BRWD1: variants seen among roughly 807,000 people sequenced by gnomAD.
The protein encoded by BRWD1 is bromodomain and WD repeat domain containing 1.
A neutral mutation model predicts 251.2 loss-of-function variants in BRWD1; 82 were observed. The ratio of observed to expected loss-of-function variants is 0.33; its 90% CI spans 0.27 to 0.39. BRWD1 has a LOEUF of 0.39. BRWD1 is among the 10% of genes least tolerant of loss of function. BRWD1 has a pLI of 1.00. For missense variants in BRWD1, 2,233 were observed against 2,711.6 expected, an observed-to-expected ratio of 0.82 and a Z score of 3.92; for synonymous variants, 918 against 902.8, an observed-to-expected ratio of 1.02 and a Z score of -0.30.
At chr21:39,226,046 A>C (rs919889590) in intron 27 of BRWD1, among the ~76,000 whole-genome samples, 9 of 152,170 alleles carry the variant, frequency 5.9e-5, no homozygotes, top group Non-Finnish European at 1.0e-4. Context: ...GTTAGAAGAG[A>C]GTCTTTGATA....
At position 39,187,516 on chromosome 21, in the gene BRWD1, A is replaced by C; in HGVS notation, c.*8743T>G. On this transcript the variant is annotated 3_prime_UTR_variant, in exon 41 of 41. Transcript: ENST00000342449. ...CAACAACACTCATTCGGAAACAATA[A>C]ATTTAAAAGTCATATTGCTAAATGA... is the stretch of plus-strand genomic sequence containing the variant. The C allele has an allele frequency of 7.0e-7, 1 of 1,428,382 alleles. No homozygotes were observed. The allele number at this position is 1,428,382 out of a possible 1,614,324, so 88.5% of individuals were successfully genotyped here.
intron 34 of BRWD1, among the ~76,000 whole-genome samples, chr21:39,211,854 G>C (rs1285799056): frequency 6.6e-6 from 1 of 152,074 alleles, no homozygotes; most frequent in Non-Finnish European, 1.5e-5. Flanking sequence ...AATTTAAGGA[G>C]CATTTGGAGG....
intron 4 of BRWD1, among the ~76,000 whole-genome samples, chr21:39,302,466 G>C (rs755120513): frequency 4.6e-5 from 7 of 152,116 alleles, no homozygotes; most frequent in Non-Finnish European, 8.8e-5. Context: ...ATAATATGTG[G>C]TAAGGCCGGG....
At chr21:39,242,024 C>T (rs752922728) in intron 21 of BRWD1, among the ~76,000 whole-genome samples, 1 of 152,252 alleles carries the variant, frequency 6.6e-6, no homozygotes, top group Non-Finnish European at 1.5e-5. Flanking sequence ...ATTAGACCTA[C>T]TAATAACCAT....
intron 37 of BRWD1, among the ~76,000 whole-genome samples, chr21:39,202,895 A>G (rs562261207): frequency 5.4e-4 from 83 of 152,360 alleles, no homozygotes; most frequent in Middle Eastern, 3.4e-3. Context: ...GTAAGCCTCA[A>G]TAGGACCCAA....
At chr21:39,228,475 T>C (rs1354126561) in intron 27 of BRWD1, 25 bp downstream of exon 27, 13 of 1,542,464 alleles carry the variant, frequency 8.4e-6, no homozygotes, top group Non-Finnish European at 1.2e-5. Flanking sequence ...TAAGGGTATA[T>C]AAAACTTAGT....
intron 14 of BRWD1, 39 bp from the exon 15 acceptor site, chr21:39,270,072 A>T (rs1285376301): frequency 6.7e-7 from 1 of 1,486,900 alleles, no homozygotes. Flanking sequence ...GAGGGTTTAC[A>T]AGTTACAAAT....
intron 21 of BRWD1, among the ~76,000 whole-genome samples, chr21:39,244,933 T>TATATATATATATATATATAA (rs2034131087): frequency 6.9e-6 from 1 of 144,694 alleles, no homozygotes; most frequent in Non-Finnish European, 1.5e-5. Flanking sequence ...TATATATATA[T>TATATATATATATATATATAA]ATATATATAT....
chr21:39,196,487 A>T lies in BRWD1; in HGVS notation c.6582T>A (p.Phe2194Leu). Reference protein sequence around the residue: ...KAKVVRKGKTFTANISKTVRR... With the variant: ...KAKVVRKGKTLTANISKTVRR... ...TCACAGTTTTAGATATGTTAGCTGT[A>T]AAAGTTTTACCTTTTCTAACTACTT... The change falls in exon 41 of 41, where the codon TTT becomes TTA. Residue 2194 changes from phenylalanine to leucine, a missense_variant. Phe to Leu is a conservative substitution (Grantham distance 22). Transcript: ENST00000342449. 1.2e-6 allele frequency: 2 copies of T among 1,613,286 alleles called. No individual in the cohort carries two copies. Among genetic ancestry groups the T allele is most frequent in the Non-Finnish European group, 1.7e-6 (2 of 1,179,662 alleles).
At chr21:39,201,542 C>A (rs1033933874) in intron 38 of BRWD1, among the ~76,000 whole-genome samples, 20 of 152,192 alleles carry the variant, frequency 1.3e-4, no homozygotes, top group Admixed American at 7.9e-4. Flanking sequence ...ATGCATCCTT[C>A]TTTCCTTCAG....
At chr21:39,200,498 T>C in intron 38 of BRWD1, 112 bp from the exon 39 acceptor site, 1 of 858,816 alleles carries the variant, frequency 1.2e-6, no homozygotes, top group Non-Finnish European at 1.6e-6. Flanking sequence ...CAAAAGCAGA[T>C]TCCTAAAATG....
Position 39,269,962 on chromosome 21 carries a change from A to G in BRWD1, c.1467T>C (p.His489=), listed in dbSNP as rs2146670201. The change falls in exon 15 of 41, where the codon CAT becomes CAC. Residue 489 remains histidine (H), a synonymous_variant. Coordinates refer to ENST00000342449, the MANE Select transcript of BRWD1 (RefSeq NM_033656.4). ...TATCCCATATAAATATGCTGCCATC[A>G]TGTCCTGCAGATAACATAATTCTGG... The part of the protein sequence containing the change: ...FDSRIMLSAG[H]DGSIFIWDIT... 6.3e-7 allele frequency: 1 copy of G among 1,587,636 alleles called. No individual in the cohort carries two copies. The highest frequency in any genetic ancestry group is 1.2e-5 in the South Asian group (1 of 86,628).
At chr21:39,238,694 T>G (rs1413480387) in intron 21 of BRWD1, 121 bp from the exon 22 acceptor site, 5 of 649,226 alleles carry the variant, frequency 7.7e-6, no homozygotes, top group Non-Finnish European at 1.1e-5. Context: ...TGAACAGTAA[T>G]CAGTAAATAT....
At position 39,187,675 on chromosome 21, in the gene BRWD1, G is replaced by T; in HGVS notation, c.*8584C>A. ...TGGGGTGAAAAGTTCCTTCAGCATC[G>T]GCATCATAAAGCTGCTAATCTAAAA... On this transcript the variant is annotated 3_prime_UTR_variant, in exon 41 of 41. Coordinates refer to ENST00000342449, the MANE Select transcript of BRWD1 (RefSeq NM_033656.4). 1.0e-6 allele frequency: 1 copy of T among 985,180 alleles called. No individual in the cohort carries two copies. Among genetic ancestry groups the T allele is most frequent in the Non-Finnish European group, 1.2e-6 (1 of 829,846 alleles). The allele number at this position is 985,180 out of a possible 1,614,324, so 61.0% of individuals were successfully genotyped here.
chr21:39,224,976 T>G, intron 28 of BRWD1, 110 bp downstream of exon 28: 1 of 817,160 alleles, frequency 1.2e-6, no homozygotes, highest in Non-Finnish European at 2.0e-6. Flanking sequence ...TGACATGACT[T>G]AATGACAGAT....
upstream of BRWD1, among the ~76,000 whole-genome samples, chr21:39,316,870 T>C (rs1016019554): frequency 6.6e-6 from 1 of 151,214 alleles, no homozygotes; most frequent in African/African-American, 2.4e-5. Flanking sequence ...CCGGGGGGGA[T>C]TGACGCTGCA....
intron 37 of BRWD1, 88 bp downstream of exon 37, chr21:39,206,020 T>G: frequency 7.6e-7 from 1 of 1,309,628 alleles, no homozygotes; most frequent in Non-Finnish European, 1.0e-6. Context: ...GCAGAGATCA[T>G]GCCACTGCAC....
chr21:39,196,273 C>A lies in BRWD1; in HGVS notation c.6796G>T (p.Gly2266Cys). The A allele has an allele frequency of 1.3e-6, 2 of 1,599,216 alleles. No homozygotes were observed. The highest frequency in any genetic ancestry group is 1.1e-5 in the South Asian group (1 of 87,782). Residue 2266 changes from glycine (G) to cysteine (C), a missense_variant, in exon 41 of 41, where the codon GGT (glycine) becomes TGT (cysteine). By Grantham distance (159) the Gly-to-Cys change is radical (BLOSUM62 -3). Around this residue, in one of 12 missense-constraint regions of BRWD1, gnomAD observed 928 missense variants for 970.0 expected, o/e 0.96. Transcript: ENST00000342449. ...TTCCCTCAAGGTCATAAGGTGCAAC[C>A]ATTGAAATCTAACACATTTTCTAAA... The part of the protein sequence containing the change: ...RSLENVLDFN[G>C]CTL
chr21:39,199,553 T>C lies in BRWD1; in HGVS notation c.4863A>G (p.Arg1621=). 6.2e-7 allele frequency: 1 copy of C among 1,614,202 alleles called. No individual in the cohort carries two copies. Among genetic ancestry groups the C allele is most frequent in the Non-Finnish European group, 8.5e-7 (1 of 1,180,036 alleles). ...TTAAGACTTTTCGGTTATTTCCAGC[T>C]CTGGCTTTTAGAATTTCACCAGTCT... The part of the protein sequence containing the change: ...SLETGEILKA[R]AGNNRKVLRK... Residue 1621 remains arginine, a synonymous_variant, in exon 40 of 41, where the codon AGA becomes AGG. Coordinates refer to ENST00000342449, the MANE Select transcript of BRWD1 (RefSeq NM_033656.4).
Sources: allele counts gnomAD v4.1 joint callset (sites outside exome capture counted in the v4.1 genomes callset), GRCh38; gene constraint gnomAD v4.1.1; regional missense constraint gnomAD v4.1.1; transcripts MANE v1.5; gene names NCBI Gene and HGNC (gene_info 2026-07-23, HGNC 2026-07-21).